Variants in SUMF1 observed in about 807,000 individuals in gnomAD.
SUMF1 encodes the protein formylglycine-generating enzyme.
A neutral mutation model predicts 47.6 loss-of-function variants in SUMF1; 48 were observed. The observed-to-expected ratio is 1.01, with a 90% CI of 0.80 to 1.28. The LOEUF (loss-of-function observed/expected upper bound fraction) is 1.28, where lower values mean the gene tolerates loss of function less well. Among genes scored for constraint, SUMF1 ranks in the 50% most tolerant of loss-of-function variants. The pLI is 0.00. For missense variants in SUMF1, 571 were observed against 485.4 expected (o/e 1.18, Z -1.66); for synonymous variants, 230 against 192.1 (o/e 1.20, Z -1.63).
intron 8 of SUMF1, among the ~76,000 whole-genome samples, chr3:4,348,682 T>C (rs1417443396): frequency 6.7e-6 from 1 of 148,920 alleles, no homozygotes; most frequent in African/African-American, 2.5e-5. Flanking sequence ...CTGACCAACA[T>C]GCAGAAATGC....
intron 8 of SUMF1, among the ~76,000 whole-genome samples, chr3:4,364,651 TTTG>T (rs1226993057): frequency 6.6e-6 from 1 of 151,036 alleles, no homozygotes; most frequent in Non-Finnish European, 1.5e-5. Context: ...GTCTATCAAT[TTTG>T]TTGATCCTTT....
At chr3:4,111,563 C>T (rs113861835) in intron 8 of SUMF1, among the ~76,000 whole-genome samples, 1 of 151,762 alleles carries the variant, frequency 6.6e-6, no homozygotes, top group Non-Finnish European at 1.5e-5. Flanking sequence ...ACTAAAAATA[C>T]AAAAATTAGC....
At chr3:4,041,008 A>C (rs1694899149) in intron 9 of SUMF1, among the ~76,000 whole-genome samples, 1 of 152,186 alleles carries the variant, frequency 6.6e-6, no homozygotes. Flanking sequence ...AGTTTATGGC[A>C]GTTCCCAAAG....
rs143735231 is a variant in SUMF1, at chr3:4,267,391, C to T, written c.1014+108939G>A. Among the ~76,000 whole-genome samples, 167 of 152,198 alleles carry T rather than the reference C, an allele frequency of 1.1e-3. 3 individuals are homozygous for T. In the East Asian group the frequency reaches 0.025, roughly 23 times the overall value. ...TGGTTGGTAAAGTATTGATTATTAC[C>T]GCAATTTCAGCTCCTGTTATTGGTC... On this transcript the variant is annotated intron_variant and NMD_transcript_variant, in intron 8 of 12. Transcript: ENST00000448413.
chr3:4,127,439 A>G (rs1399742075), intron 8 of SUMF1, among the ~76,000 whole-genome samples: 3 of 152,158 alleles, frequency 2.0e-5, no homozygotes, highest in African/African-American at 7.2e-5. Context: ...TTGGGCAGGC[A>G]CAATCTAATT....
At chr3:4,339,404 A>T (rs1699222308) in intron 8 of SUMF1, among the ~76,000 whole-genome samples, 1 of 152,210 alleles carries the variant, frequency 6.6e-6, no homozygotes, top group African/African-American at 2.4e-5. Flanking sequence ...ATGGAAGGAA[A>T]GGAAGCAGGC....
rs570921190 is a variant in SUMF1 at position 4,135,342 on chromosome 3, C to A, written c.1015-66597G>T. ...ACATATGAAAATCAATAAATGTAAT[C>A]CAGCATATAAACAGAATAAAAGACA... On this transcript the variant is annotated intron_variant and NMD_transcript_variant, in intron 8 of 12. Coordinates refer to the SUMF1 transcript ENST00000448413. Among the ~76,000 whole-genome samples the A allele has an allele frequency of 8.3e-4, 126 of 152,136 alleles. 2 individuals are homozygous for A. The highest frequency in any genetic ancestry group is 4.5e-3 in the Admixed American group (69 of 15,262).
At chr3:4,433,267 A>C (rs957860572) in intron 3 of SUMF1, among the ~76,000 whole-genome samples, 2 of 152,224 alleles carry the variant, frequency 1.3e-5, no homozygotes, top group Admixed American at 6.5e-5. Context: ...AAGAAATTTA[A>C]GGTCACATTA....
chr3:4,225,052 A>G (rs1696144229), intron 8 of SUMF1, among the ~76,000 whole-genome samples: 1 of 152,168 alleles, frequency 6.6e-6, no homozygotes, highest in South Asian at 2.1e-4. Flanking sequence ...GCTGTGCACA[A>G]GAAGTGGCCA....
At chr3:4,389,297 T>C (rs1419586730) in intron 7 of SUMF1, among the ~76,000 whole-genome samples, 3 of 152,078 alleles carry the variant, frequency 2.0e-5, no homozygotes, top group Admixed American at 6.5e-5. Flanking sequence ...CTGGCCTTCA[T>C]GGTCACCAAT....
In SUMF1 at chr3:4,207,417, G is replaced by C. The variant is rs181574966; in HGVS notation, c.1015-138672C>G. 1.5e-4 allele frequency among the ~76,000 whole-genome samples: 23 copies of C among 152,256 alleles called. No individual in the cohort carries two copies. The East Asian group carries it at 4.4e-3, about 29-fold the overall frequency. On this transcript the variant is annotated intron_variant and NMD_transcript_variant, in intron 8 of 12. Transcript: ENST00000448413. Reference sequence around the variant, plus strand: ...TTTTTGTATCCTTTCAAATCTTAGGGTGAGAAAGCATTCAGGCTTTTAATA... The same window carrying C: ...TTTTTGTATCCTTTCAAATCTTAGGCTGAGAAAGCATTCAGGCTTTTAATA...
intron 9 of SUMF1, among the ~76,000 whole-genome samples, chr3:4,061,331 C>A (rs754982301): frequency 1.4e-4 from 21 of 152,242 alleles, no homozygotes; most frequent in Admixed American, 5.9e-4. Context: ...TATTGAGGAA[C>A]TAAAACTTAC....
chr3:4,206,037 G>A (rs1021468616), intron 8 of SUMF1, among the ~76,000 whole-genome samples: 2 of 151,952 alleles, frequency 1.3e-5, no homozygotes, highest in African/African-American at 2.4e-5. Context: ...TCTGGTTCAG[G>A]GTGGGTCTAG....
intron 8 of SUMF1, chr3:4,316,312 A>G (rs755005130): frequency 8.6e-7 from 1 of 1,162,248 alleles, no homozygotes; most frequent in South Asian, 1.3e-5. Context: ...AACATCAACA[A>G]TGCATTTGGC....
At chr3:4,230,088 A>G (rs910166082) in intron 8 of SUMF1, among the ~76,000 whole-genome samples, 3 of 151,974 alleles carry the variant, frequency 2.0e-5, no homozygotes, top group Admixed American at 6.6e-5. Context: ...TTTAGATAGA[A>G]GTTTCCCTAG....
chr3:4,100,892 T>C (rs1693016184), intron 8 of SUMF1, among the ~76,000 whole-genome samples: 1 of 151,940 alleles, frequency 6.6e-6, no homozygotes, highest in Non-Finnish European at 1.5e-5. Flanking sequence ...GATCAACAGA[T>C]GTATAAAAAA....
At chr3:4,353,442 C>T (rs868097418) in intron 8 of SUMF1, among the ~76,000 whole-genome samples, 15 of 152,118 alleles carry the variant, frequency 9.9e-5, no homozygotes, top group East Asian at 3.9e-4. Context: ...TTAGTAGAGA[C>T]GGGGTTTCAC....
chr3:4,252,020 G>C (rs1239755027), intron 8 of SUMF1, among the ~76,000 whole-genome samples: 1 of 152,084 alleles, frequency 6.6e-6, no homozygotes, highest in Non-Finnish European at 1.5e-5. Flanking sequence ...TTGTTGTGCT[G>C]GTCTGAAACC....
At chr3:4,382,835 C>T (rs1365768596) in intron 7 of SUMF1, among the ~76,000 whole-genome samples, 1 of 152,106 alleles carries the variant, frequency 6.6e-6, no homozygotes, top group African/African-American at 2.4e-5. Flanking sequence ...AAACCAAACA[C>T]CGCATGTTCT....
Sources: allele counts gnomAD v4.1 joint callset (sites outside exome capture counted in the v4.1 genomes callset), GRCh38; gene constraint gnomAD v4.1.1; transcripts MANE v1.5; gene names NCBI Gene and HGNC (gene_info 2026-07-23, HGNC 2026-07-21).